The following PRPF18 variants were observed in gnomAD, a reference collection of about 807,000 sequenced individuals.
PRPF18 encodes the protein pre-mRNA processing factor 18.
In PRPF18, 38 loss-of-function variants were observed where a neutral mutation model predicts 46.5. The observed-to-expected ratio is 0.82, with a 90% CI of 0.63 to 1.07. The LOEUF (loss-of-function observed/expected upper bound fraction) is 1.07. Ranked by LOEUF, PRPF18 falls within the 50% of genes least tolerant of loss-of-function variation. PRPF18 has a pLI of 0.00. For synonymous variants in PRPF18, 152 were observed against 146.7 expected (o/e 1.04, Z -0.26); for missense variants, 263 against 410.0 (o/e 0.64, Z 3.10).
intron 9 of PRPF18, among the ~76,000 whole-genome samples, chr10:13,628,203 C>T (rs2080538497): frequency 1.3e-5 from 2 of 152,276 alleles, no homozygotes; most frequent in Non-Finnish European, 2.9e-5. Flanking sequence ...GATAACCTCC[C>T]TCCACACCCC....
At chr10:13,611,268 T>G (rs1167674845) in intron 5 of PRPF18, among the ~76,000 whole-genome samples, 3 of 150,816 alleles carry the variant, frequency 2.0e-5, no homozygotes, top group Non-Finnish European at 4.4e-5. Context: ...TGACATACCA[T>G]ACAGTTGACT....
At chr10:13,654,288 A>G in the PRPF18 span, 2 of 726,864 alleles carry the variant, frequency 2.8e-6, no homozygotes, top group Non-Finnish European at 5.0e-6. Flanking sequence ...CTTCTCTTGA[A>G]AGGAAGACAC....
At chr10:13,587,239 G>A (rs1194746807) in intron 1 of PRPF18, 87 bp downstream of exon 1, 1 of 1,407,174 alleles carries the variant, frequency 7.1e-7, no homozygotes. Flanking sequence ...GATACTCAGA[G>A]GATTCGGGGC....
chr10:13,632,563 G>C (rs1182504460), downstream of PRPF18: 1 of 152,152 alleles, frequency 6.6e-6, no homozygotes, highest in Non-Finnish European at 1.5e-5. Context: ...TTTGCAGTTA[G>C]TTAATGTTCC....
At chr10:13,647,065 C>CAGTT in the PRPF18 span, 1 of 581,292 alleles carries the variant, frequency 1.7e-6, no homozygotes, top group Non-Finnish European at 2.2e-6. Flanking sequence ...GGAGATGAGA[C>CAGTT]AGTTAGTTAG....
chr10:13,623,019 A>C (rs991830014), intron 9 of PRPF18, among the ~76,000 whole-genome samples: 3 of 152,120 alleles, frequency 2.0e-5, no homozygotes, highest in Admixed American at 2.0e-4. Flanking sequence ...TAACACAGTG[A>C]AACCCCGTCT....
At chr10:13,651,877 T>G in the PRPF18 span, 12 of 1,199,918 alleles carry the variant, frequency 1.0e-5, no homozygotes, top group Non-Finnish European at 1.5e-5. Flanking sequence ...TCATGGGCAG[T>G]AGGAACAAAA....
the PRPF18 span, chr10:13,644,006 A>G: frequency 6.6e-6 from 1 of 152,628 alleles, no homozygotes; most frequent in African/African-American, 2.4e-5. Context: ...TGTATATGTA[A>G]AACTTTACAC....
chr10:13,654,165 C>A, the PRPF18 span: 2 of 560,606 alleles, frequency 3.6e-6, no homozygotes, highest in South Asian at 4.9e-5. Context: ...TTCGTGCTTC[C>A]ATCTCCCCAC....
chr10:13,587,002 C>A lies in PRPF18; in HGVS notation c.-85C>A. The A allele has an allele frequency of 7.3e-7, 1 of 1,371,314 alleles. No homozygotes were observed. The highest frequency in any genetic ancestry group is 1.0e-6 in the Non-Finnish European group (1 of 959,104). The allele number at this position is 1,371,314 out of a possible 1,614,324, so 84.9% of individuals were successfully genotyped here. A position where few individuals can be genotyped will look rare whatever the true frequency, so the allele number is the denominator to read the frequency against. On this transcript the variant is annotated 5_prime_UTR_variant, in exon 1 of 10. Coordinates refer to ENST00000378572, the MANE Select transcript of PRPF18 (RefSeq NM_003675.4). ...GTGTTTGGGCTTGTTGTTCCGTATACTCAGTGGGTTCGCGGCCGCCGGCCC... is the reference window on the plus strand; with the variant it reads ...GTGTTTGGGCTTGTTGTTCCGTATAATCAGTGGGTTCGCGGCCGCCGGCCC...
chr10:13,614,444 G>A lies in PRPF18; in HGVS notation c.792+358G>A, dbSNP rs527583221. ...GAACAAATTTTCCCATAGAAACAAC[G>A]TTGTATAGATGAGTTTCCCAGGATG... On this transcript the variant is annotated intron_variant, in intron 8 of 9. Coordinates refer to ENST00000378572, the MANE Select transcript of PRPF18 (RefSeq NM_003675.4). Among the ~76,000 whole-genome samples, 13 of 152,252 alleles carry A rather than the reference G, an allele frequency of 8.5e-5. No individual in the cohort carries two copies. The South Asian group carries it at 1.7e-3, about 19-fold the overall frequency.
intron 9 of PRPF18, among the ~76,000 whole-genome samples, chr10:13,626,431 TGTTATGTGG>T (rs1480911586): frequency 1.3e-5 from 2 of 152,196 alleles, no homozygotes; most frequent in Non-Finnish European, 2.9e-5. Flanking sequence ...CATCATAATA[TGTTATGTGG>T]GTTTGCTTTG....
intron 1 of PRPF18, among the ~76,000 whole-genome samples, chr10:13,588,027 C>A (rs2079902067): frequency 6.6e-6 from 1 of 152,144 alleles, no homozygotes; most frequent in Admixed American, 6.5e-5. Context: ...TGCCCCCTAT[C>A]CCCGCTCCTA....
At chr10:13,613,249 G>A (rs11258472) in intron 6 of PRPF18, among the ~76,000 whole-genome samples, 12,147 of 151,988 alleles carry the variant, frequency 0.08, 519 homozygotes, top group Non-Finnish European at 0.11. Context: ...TTATCTAGGG[G>A]TGGGGGTGGA....
At chr10:13,645,100 T>C in the PRPF18 span, 1 of 152,272 alleles carries the variant, frequency 6.6e-6, no homozygotes, top group African/African-American at 2.4e-5. Context: ...AGCTCGACTC[T>C]CGGTGGTCTC....
chr10:13,589,825 T>C (rs866934315), intron 1 of PRPF18, among the ~76,000 whole-genome samples: 1 of 152,092 alleles, frequency 6.6e-6, no homozygotes, highest in African/African-American at 2.4e-5. Context: ...TAAAAACAAT[T>C]AGAAAAGTGG....
chr10:13,654,311 A>G, the PRPF18 span: 1 of 814,590 alleles, frequency 1.2e-6, no homozygotes, highest in Non-Finnish European at 2.2e-6. Flanking sequence ...CCCAGTGATG[A>G]ACCCTCATCA....
chr10:13,612,909 A>T (rs2133737350), intron 6 of PRPF18, among the ~76,000 whole-genome samples: 1 of 152,316 alleles, frequency 6.6e-6, no homozygotes, highest in African/African-American at 2.4e-5. Context: ...TAGATAGAGT[A>T]TGAACAAATC....
At chr10:13,654,408 G>T in the PRPF18 span, 2 of 1,563,728 alleles carry the variant, frequency 1.3e-6, no homozygotes, top group Non-Finnish European at 1.8e-6. Context: ...CATAGAAGGA[G>T]AACTCACCCA....
Sources: allele counts gnomAD v4.1 joint callset (sites outside exome capture counted in the v4.1 genomes callset), GRCh38; gene constraint gnomAD v4.1.1; transcripts MANE v1.5; gene names NCBI Gene and HGNC (gene_info 2026-07-23, HGNC 2026-07-21).